HMGB1: variants seen among roughly 807,000 people sequenced by gnomAD.
HMGB1 encodes the protein high mobility group protein B1.
For missense variants in HMGB1, 79 were observed against 253.5 expected, an observed-to-expected ratio of 0.31 and a Z score of 4.67; for synonymous variants, 81 against 84.0, an observed-to-expected ratio of 0.96 and a Z score of 0.19.
intron 1 of HMGB1, among the ~76,000 whole-genome samples, chr13:30,510,118 G>A (rs1021590429): frequency 5.9e-5 from 9 of 152,178 alleles, no homozygotes; most frequent in African/African-American, 2.2e-4. Context: ...ACCACCTCCT[G>A]CTCAGGCCGG....
At chr13:30,511,718 C>T (rs1433653613) in intron 1 of HMGB1, among the ~76,000 whole-genome samples, 1 of 152,162 alleles carries the variant, frequency 6.6e-6, no homozygotes, top group Non-Finnish European at 1.5e-5. Flanking sequence ...ATCTCCCTTG[C>T]CCTGGCTTCT....
intron 1 of HMGB1, among the ~76,000 whole-genome samples, chr13:30,569,991 G>A (rs568347264): frequency 3.3e-5 from 5 of 152,326 alleles, no homozygotes; most frequent in African/African-American, 4.8e-5. Flanking sequence ...ATGGGCTTTG[G>A]TAGGAGGAAG....
At position 30,459,796 on chromosome 13, in the gene HMGB1, T is replaced by A. The variant is rs556651630; in HGVS notation, c.*1561A>T. The A allele has an allele frequency of 3.9e-5, 6 of 152,432 alleles. No homozygotes were observed. The South Asian group carries it at 1.0e-3, about 26-fold the overall frequency. 9.4% of individuals were successfully genotyped at this position (152,432 alleles called of 1,614,324 possible). On this transcript the variant is annotated 3_prime_UTR_variant, in exon 5 of 5. Coordinates refer to ENST00000341423, the MANE Select transcript of HMGB1 (RefSeq NM_002128.7). ...TAAGAGGTATTATTAGAAACAAGAT[T>A]TAAAAATATGTAACAAAATCTTAAG...
chr13:30,523,768 C>A (rs1888292818), intron 1 of HMGB1, among the ~76,000 whole-genome samples: 1 of 145,330 alleles, frequency 6.9e-6, no homozygotes, highest in South Asian at 2.2e-4. Flanking sequence ...TGAGATGGGG[C>A]CTCACTCTAT....
chr13:30,530,365 G>A (rs544099069), intron 1 of HMGB1, among the ~76,000 whole-genome samples: 8 of 152,284 alleles, frequency 5.3e-5, no homozygotes, highest in African/African-American at 1.9e-4. Flanking sequence ...TCTGAAACAT[G>A]TCTGGTCCTG....
In HMGB1 at chr13:30,584,024, T is replaced by G. The variant is rs76873824; in HGVS notation, c.-15+32647A>C. Reference sequence around the variant, plus strand: ...CTCTAAAGAAGAGAAAAGAAAAGAATGAATGAATGAACAAAAAGAAAGAAG... The same window carrying G: ...CTCTAAAGAAGAGAAAAGAAAAGAAGGAATGAATGAACAAAAAGAAAGAAG... On this transcript the variant is annotated intron_variant, in intron 1 of 4. Coordinates refer to the HMGB1 transcript ENST00000405805. 7.8e-4 allele frequency among the ~76,000 whole-genome samples: 86 copies of G among 109,854 alleles called. 1 individual carries two copies. In the East Asian group the frequency reaches 0.019, roughly 24 times the overall value. 72.1% of individuals were successfully genotyped at this position (109,854 alleles called of 152,430 possible). A position where few individuals can be genotyped will look rare whatever the true frequency, so the allele number is the denominator to read the frequency against.
rs550960352 is a variant in HMGB1, at chr13:30,473,463, A to G, written c.-14-9769T>C. ...GAAAGGTGATCTAAGTTCAGAAAAGATCCCTATATTAGGTCTTGATCTCAA... is the reference window on the plus strand; with the variant it reads ...GAAAGGTGATCTAAGTTCAGAAAAGGTCCCTATATTAGGTCTTGATCTCAA... On this transcript the variant is annotated intron_variant, in intron 1 of 4. Transcript: ENST00000405805. Among the ~76,000 whole-genome samples, 27 of 152,348 alleles carry G rather than the reference A, an allele frequency of 1.8e-4. No individual in the cohort carries two copies. The South Asian group carries it at 5.6e-3, about 32-fold the overall frequency.
chr13:30,479,534 C>T (rs977296772), intron 1 of HMGB1, among the ~76,000 whole-genome samples: 1 of 152,190 alleles, frequency 6.6e-6, no homozygotes, highest in Non-Finnish European at 1.5e-5. Context: ...ATTTAAGTCA[C>T]AAGAGTTTTT....
At chr13:30,616,118 T>C (rs893319282) in intron 1 of HMGB1, among the ~76,000 whole-genome samples, 1 of 152,332 alleles carries the variant, frequency 6.6e-6, no homozygotes, top group African/African-American at 2.4e-5. Flanking sequence ...GGTTTTCTAG[T>C]CAATCTCTGC....
chr13:30,582,423 G>A (rs1239854006), intron 1 of HMGB1, among the ~76,000 whole-genome samples: 3 of 152,118 alleles, frequency 2.0e-5, no homozygotes, highest in East Asian at 3.8e-4. Flanking sequence ...CAGATCACGA[G>A]GTCAGGAGAT....
At chr13:30,555,638 G>A (rs1414930161) in intron 1 of HMGB1, among the ~76,000 whole-genome samples, 2 of 152,062 alleles carry the variant, frequency 1.3e-5, no homozygotes, top group African/African-American at 4.8e-5. Flanking sequence ...TTTTTAAAAA[G>A]AATCATCCTA....
At chr13:30,488,098 G>A (rs1396509187) in intron 1 of HMGB1, among the ~76,000 whole-genome samples, 1 of 152,148 alleles carries the variant, frequency 6.6e-6, no homozygotes, top group Non-Finnish European at 1.5e-5. Flanking sequence ...ATTTAAAATT[G>A]AGGGGAGAAA....
At chr13:30,505,409 A>C (rs1371416882) in intron 1 of HMGB1, among the ~76,000 whole-genome samples, 4 of 150,160 alleles carry the variant, frequency 2.7e-5, no homozygotes, top group African/African-American at 7.6e-5. Context: ...CCATCTCCTG[A>C]CCTCGTGATC....
At chr13:30,569,112 T>C (rs1245422285) in intron 1 of HMGB1, among the ~76,000 whole-genome samples, 3 of 151,564 alleles carry the variant, frequency 2.0e-5, no homozygotes, top group African/African-American at 7.3e-5. Flanking sequence ...GAAGTGGAGG[T>C]TGTAGTGAAT....
In HMGB1 at chr13:30,555,033, G is replaced by GTTTTTTT. The variant is rs1007919529; in HGVS notation, c.-15+61631_-15+61637dup. On this transcript the variant is annotated intron_variant, in intron 1 of 4. Transcript: ENST00000405805. The stretch of plus-strand genomic sequence containing the variant: ...AACCTTACATTGGATGTGTCGTTGT[G>GTTTTTTT]TTTTTTTTTTTTTTTTTTTTTTTTT... Among the ~76,000 whole-genome samples, 318 of 72,426 alleles carry GTTTTTTT rather than the reference G, an allele frequency of 4.4e-3. 10 individuals are homozygous for GTTTTTTT. The highest frequency in any genetic ancestry group is 5.8e-3 in the Non-Finnish European group (245 of 42,032). 47.5% of individuals were successfully genotyped at this position (72,426 alleles called of 152,430 possible).
chr13:30,610,414 C>T (rs190768699), intron 1 of HMGB1, among the ~76,000 whole-genome samples: 3 of 152,292 alleles, frequency 2.0e-5, no homozygotes, highest in African/African-American at 7.2e-5. Flanking sequence ...CTGTAAAGGA[C>T]ATGCAGGGTT....
chr13:30,472,582 C>T (rs2137421406), intron 1 of HMGB1, among the ~76,000 whole-genome samples: 1 of 152,138 alleles, frequency 6.6e-6, no homozygotes, highest in Non-Finnish European at 1.5e-5. Context: ...GCCTGGGCTA[C>T]AGAGAAAGAC....
intron 1 of HMGB1, among the ~76,000 whole-genome samples, chr13:30,582,928 C>T (rs923673468): frequency 2.0e-5 from 3 of 152,162 alleles, no homozygotes; most frequent in Non-Finnish European, 2.9e-5. Context: ...TCTGCTGCTA[C>T]AACTTTAGTC....
upstream of HMGB1, among the ~76,000 whole-genome samples, chr13:30,468,416 G>A (rs768999921): frequency 4.6e-5 from 7 of 152,054 alleles, no homozygotes; most frequent in African/African-American, 7.2e-5. Flanking sequence ...CACCATGCCC[G>A]GCTAATTTTT....
Sources: gnomAD v4.1 joint callset for allele counts (sites outside exome capture counted in the v4.1 genomes callset) on GRCh38, gnomAD v4.1.1 for gene constraint, MANE v1.5 for transcripts, NCBI Gene and HGNC (gene_info 2026-07-23, HGNC 2026-07-21) for gene names.